CSGALNACT2: variants seen among roughly 807,000 people sequenced by gnomAD.
The protein encoded by CSGALNACT2 is beta 4 GalNAcT-2.
A neutral mutation model predicts 55.3 loss-of-function variants in CSGALNACT2; 35 were observed. The observed-to-expected ratio is 0.63, with a 90% CI of 0.48 to 0.84. CSGALNACT2 has a LOEUF of 0.84. Ranked by LOEUF, CSGALNACT2 falls within the 40% of genes least tolerant of loss-of-function variation. The pLI, the probability that CSGALNACT2 is intolerant of heterozygous loss-of-function variation, is 0.00. For missense variants in CSGALNACT2, 544 were observed against 657.5 expected (o/e 0.83, Z 1.89); for synonymous variants, 196 against 224.9 (o/e 0.87, Z 1.15).
chr10:43,149,793 T>G (rs1468524774), intron 1 of CSGALNACT2, among the ~76,000 whole-genome samples: 1 of 152,164 alleles, frequency 6.6e-6, no homozygotes, highest in Non-Finnish European at 1.5e-5. Flanking sequence ...CTAGGCTGGG[T>G]GTGGTGGCTC....
At chr10:43,164,094 C>G in intron 5 of CSGALNACT2, 50 bp downstream of exon 5, 2 of 1,464,324 alleles carry the variant, frequency 1.4e-6, no homozygotes, top group Non-Finnish European at 9.4e-7. Context: ...AGAACGTTGT[C>G]AGCATGTCCT....
At chr10:43,142,088 T>C (rs145144569) in intron 1 of CSGALNACT2, among the ~76,000 whole-genome samples, 5 of 152,340 alleles carry the variant, frequency 3.3e-5, no homozygotes, top group Non-Finnish European at 1.5e-5. Flanking sequence ...GTGTAAAAAT[T>C]TTTTAGAAGT....
At chr10:43,177,506 G>C (rs1203441609) in intron 7 of CSGALNACT2, among the ~76,000 whole-genome samples, 4 of 152,264 alleles carry the variant, frequency 2.6e-5, no homozygotes, top group African/African-American at 9.6e-5. Context: ...TTAATAGAAA[G>C]CAAATTGTAC....
intron 1 of CSGALNACT2, among the ~76,000 whole-genome samples, chr10:43,140,279 G>A (rs1838591952): frequency 6.6e-6 from 1 of 152,138 alleles, no homozygotes; most frequent in East Asian, 1.9e-4. Flanking sequence ...ACTGAGTCAT[G>A]GCATAAGCAG....
chr10:43,156,423 T>C (rs1839010793), intron 2 of CSGALNACT2, among the ~76,000 whole-genome samples: 1 of 152,238 alleles, frequency 6.6e-6, no homozygotes, highest in Admixed American at 6.5e-5. Flanking sequence ...ATTTAAGATA[T>C]TGATTGATAT....
At chr10:43,171,756 A>C (rs1243839053) in intron 6 of CSGALNACT2, among the ~76,000 whole-genome samples, 1 of 152,214 alleles carries the variant, frequency 6.6e-6, no homozygotes, top group Non-Finnish European at 1.5e-5. Context: ...TAAGCACTTC[A>C]AGTTCTAGTT....
At chr10:43,142,553 A>T (rs1838652441) in intron 1 of CSGALNACT2, among the ~76,000 whole-genome samples, 1 of 152,240 alleles carries the variant, frequency 6.6e-6, no homozygotes, top group African/African-American at 2.4e-5. Context: ...TTCATGACCC[A>T]TGAAAATTAT....
chr10:43,155,236 G>T lies in CSGALNACT2; in HGVS notation c.87G>T (p.Met29Ile). ...TGCTCTGCAGTTTGGTATTATTTAT[G>T]TACCTCCTGGAATGTGCCCCCCAGA... ...LALLCSLVLFMYLLECAPQTD... is the reference protein window; with the variant it reads ...LALLCSLVLFIYLLECAPQTD... The change falls in exon 2 of 8, where the codon ATG becomes ATT. Residue 29 changes from methionine (M) to isoleucine (I), a missense_variant. Transcript: ENST00000374466. The T allele has an allele frequency of 3.1e-6, 5 of 1,614,074 alleles. No homozygotes were observed. Among genetic ancestry groups the T allele is most frequent in the Non-Finnish European group, 4.2e-6 (5 of 1,180,006 alleles).
At chr10:43,158,436 C>G (rs188361032) in intron 2 of CSGALNACT2, among the ~76,000 whole-genome samples, 5 of 152,090 alleles carry the variant, frequency 3.3e-5, no homozygotes, top group Non-Finnish European at 2.9e-5. Context: ...TTGATAGGCT[C>G]TAGTATTTTT....
intron 2 of CSGALNACT2, among the ~76,000 whole-genome samples, 163 bp from the exon 3 acceptor site, chr10:43,158,552 A>G (rs902261871): frequency 6.6e-6 from 1 of 152,216 alleles, no homozygotes; most frequent in Non-Finnish European, 1.5e-5. Flanking sequence ...CTTTTAAGCG[A>G]GTAATTGTTA....
rs765139917 is a variant in CSGALNACT2, at chr10:43,155,418, G to A, written c.269G>A (p.Ser90Asn). The A allele has an allele frequency of 3.7e-6, 6 of 1,614,080 alleles. No individual in the cohort carries two copies. In the African/African-American group the frequency reaches 6.7e-5, roughly 18 times the overall value. The change falls in exon 2 of 8, where the codon AGT (serine) becomes AAT (asparagine). Residue 90 changes from serine (S) to asparagine (N), a missense_variant. Ser to Asn is a conservative substitution (Grantham distance 46). Transcript: ENST00000374466. Reference protein sequence around the residue: ...AQLKQELQEMSEKMRSLQERR... With the variant: ...AQLKQELQEMNEKMRSLQERR... ...CTAAAACAAGAATTACAAGAAATGA[G>A]TGAGAAGATGCGGTCACTGCAAGAA...
At chr10:43,144,152 A>G (rs1315760893) in intron 1 of CSGALNACT2, among the ~76,000 whole-genome samples, 1 of 152,242 alleles carries the variant, frequency 6.6e-6, no homozygotes, top group Non-Finnish European at 1.5e-5. Flanking sequence ...CAGAAAATTT[A>G]GGAAGATTAT....
chr10:43,169,466 C>G (rs1469262433), intron 6 of CSGALNACT2, among the ~76,000 whole-genome samples: 1 of 152,010 alleles, frequency 6.6e-6, no homozygotes, highest in Non-Finnish European at 1.5e-5. Context: ...TTTAAAAAAT[C>G]AGAACTTGGA....
At chr10:43,162,706 T>TTGGAGAATCA in intron 4 of CSGALNACT2, 1 of 984,046 alleles carries the variant, frequency 1.0e-6, no homozygotes, top group Non-Finnish European at 1.2e-6. Context: ...AGTGAGTGAT[T>TTGGAGAATCA]CTCCAGCTTC....
At chr10:43,182,886 CAA>C (rs67581450) in intron 7 of CSGALNACT2, among the ~76,000 whole-genome samples, 289 of 146,420 alleles carry the variant, frequency 2.0e-3, no homozygotes, top group Non-Finnish European at 3.3e-3. Context: ...AAAAAAAAAA[CAA>C]AAAAAAAAAG....
intron 2 of CSGALNACT2, among the ~76,000 whole-genome samples, chr10:43,157,453 T>C (rs914117033): frequency 2.0e-5 from 3 of 152,196 alleles, no homozygotes; most frequent in African/African-American, 7.2e-5. Flanking sequence ...TTCCTATCCC[T>C]CTTCTAAACT....
rs375102520 is a variant in CSGALNACT2 at position 43,157,954 on chromosome 10, G to A, written c.662-761G>A. Among the ~76,000 whole-genome samples, 22 of 151,336 alleles carry A rather than the reference G, an allele frequency of 1.5e-4. No homozygotes were observed. The East Asian group carries it at 2.1e-3, about 15-fold the overall frequency. ...TGAGGCAGAAGAATTGCTTGAACCC[G>A]GGAGATGGAGGTTGCAGTGAGCCAA... is the stretch of plus-strand genomic sequence containing the variant. On this transcript the variant is annotated intron_variant, in intron 2 of 7. Coordinates refer to ENST00000374466, the MANE Select transcript of CSGALNACT2 (RefSeq NM_018590.5).
rs764042620 is a variant in CSGALNACT2, at chr10:43,163,877, T to C, written c.992T>C (p.Phe331Ser). The C allele has an allele frequency of 1.9e-6, 3 of 1,612,686 alleles. No individual in the cohort carries two copies. In the African/African-American group the frequency reaches 4.0e-5, roughly 22 times the overall value. The change falls in exon 5 of 8, where the codon TTT becomes TCT. Residue 331 changes from phenylalanine (F) to serine (S), a missense_variant. Around this residue, in one of 2 missense-constraint regions of CSGALNACT2, gnomAD observed 374 missense variants for 401.3 expected, o/e 0.93. Transcript: ENST00000374466. ...TGCTTTCCTCATAGTGAGTCTAATT[T>C]TCACAATTACACCTTGGTCTCATTG... is the stretch of plus-strand genomic sequence containing the variant. ...ILESVTSESN[F>S]HNYTLVSLNE...
At chr10:43,167,986 ATAAAG>A (rs5784587) in intron 6 of CSGALNACT2, among the ~76,000 whole-genome samples, 84,360 of 151,380 alleles carry the variant, frequency 0.56, 24,029 homozygotes, top group African/African-American at 0.62. Context: ...AAATTTAATC[ATAAAG>A]TAGACAGATT....
Sources: allele counts gnomAD v4.1 joint callset (sites outside exome capture counted in the v4.1 genomes callset), GRCh38; gene constraint gnomAD v4.1.1; regional missense constraint gnomAD v4.1.1; transcripts MANE v1.5; gene names NCBI Gene and HGNC (gene_info 2026-07-23, HGNC 2026-07-21).